Variants in CCDC171 observed in about 807,000 individuals in gnomAD.
CCDC171 encodes coiled-coil domain-containing protein 171.
In CCDC171, 177 loss-of-function variants were observed where a neutral mutation model predicts 168.2. The ratio of observed to expected loss-of-function variants is 1.05; its 90% CI spans 0.93 to 1.19. The LOEUF (loss-of-function observed/expected upper bound fraction) is 1.19, where lower values mean the gene tolerates loss of function less well. Ranked by LOEUF, CCDC171 falls within the 50% of genes most tolerant of loss-of-function variation. The probability of loss-of-function intolerance (pLI) is 0.00; values close to 1 mark genes in which losing one functional copy is unlikely to be tolerated. For missense variants in CCDC171, 1,991 were observed against 1,539.0 expected (o/e 1.29, Z -4.91); for synonymous variants, 687 against 540.8 (o/e 1.27, Z -3.75).
chr9:15,612,836 T>C (rs146340448), intron 6 of CCDC171, among the ~76,000 whole-genome samples: 1 of 152,220 alleles, frequency 6.6e-6, no homozygotes, highest in African/African-American at 2.4e-5. Flanking sequence ...TTACCTGTCT[T>C]ACTAGTTTGT....
At chr9:16,009,234 C>G (rs1423994269) in intron 3 of CCDC171, among the ~76,000 whole-genome samples, 1 of 151,984 alleles carries the variant, frequency 6.6e-6, no homozygotes, top group African/African-American at 2.4e-5. Flanking sequence ...GTGGTCTGAC[C>G]TTAGGAGGGG....
the CCDC171 span, among the ~76,000 whole-genome samples, chr9:16,070,482 G>A: frequency 3.7e-3 from 568 of 152,316 alleles, 5 homozygotes; most frequent in African/African-American, 0.013. Context: ...TTTATTGCTG[G>A]TTGGGCCTGG....
chr9:15,755,602 A>G lies in CCDC171; in HGVS notation c.2671+9971A>G, dbSNP rs545647250. Among the ~76,000 whole-genome samples, 6 of 152,310 alleles carry G rather than the reference A, an allele frequency of 3.9e-5. No homozygotes were observed. In the South Asian group the frequency reaches 1.2e-3, roughly 32 times the overall value. On this transcript the variant is annotated intron_variant, in intron 18 of 25. Transcript: ENST00000380701. ...TAATGGATAGATATCTAAATGATGA[A>G]ATATTATTAGTTCATAAAAAGGAAT...
chr9:15,936,277 T>C (rs1267440782), intron 25 of CCDC171, among the ~76,000 whole-genome samples: 1 of 152,000 alleles, frequency 6.6e-6, no homozygotes, highest in Non-Finnish European at 1.5e-5. Context: ...ATGAAAGTTA[T>C]AGACACGACA....
intron 16 of CCDC171, among the ~76,000 whole-genome samples, chr9:15,737,904 T>C (rs1158992229): frequency 2.0e-5 from 3 of 152,198 alleles, no homozygotes; most frequent in Non-Finnish European, 4.4e-5. Flanking sequence ...TACAATCCCA[T>C]TAGCAATGTC....
chr9:15,595,886 C>T (rs562839296), intron 6 of CCDC171, among the ~76,000 whole-genome samples: 2 of 152,312 alleles, frequency 1.3e-5, no homozygotes, highest in Admixed American at 6.5e-5. Flanking sequence ...ATTTGCATTT[C>T]TCTGATGGCC....
intron 3 of CCDC171, among the ~76,000 whole-genome samples, chr9:15,574,479 A>T (rs1001726554): frequency 6.6e-6 from 1 of 151,656 alleles, no homozygotes; most frequent in Non-Finnish European, 1.5e-5. Flanking sequence ...GAGTTTTACC[A>T]TGTTGGCCAG....
intron 24 of CCDC171, among the ~76,000 whole-genome samples, chr9:15,900,840 T>A (rs1232073391): frequency 6.6e-6 from 1 of 152,088 alleles, no homozygotes; most frequent in Non-Finnish European, 1.5e-5. Flanking sequence ...TACTCATGGT[T>A]TTTGTTTCTG....
At chr9:15,951,870 A>G (rs2132483294) in intron 25 of CCDC171, among the ~76,000 whole-genome samples, 1 of 152,188 alleles carries the variant, frequency 6.6e-6, no homozygotes, top group East Asian at 1.9e-4. Flanking sequence ...AATTATCAGG[A>G]AGTTCAATTT....
intron 24 of CCDC171, among the ~76,000 whole-genome samples, chr9:15,894,560 C>T (rs999686966): frequency 6.6e-6 from 1 of 152,010 alleles, no homozygotes; most frequent in Admixed American, 6.6e-5. Context: ...ATGATCTGGG[C>T]CCTGCTGCTC....
Position 16,030,962 on chromosome 9 carries a change from G to T in CCDC171, n.999-4495G>T, listed in dbSNP as rs4247294. Among the ~76,000 whole-genome samples the T allele has an allele frequency of 2.6e-5, 4 of 151,960 alleles. No individual in the cohort carries two copies. The East Asian group carries it at 5.8e-4, about 22-fold the overall frequency. On this transcript the variant is annotated intron_variant and non_coding_transcript_variant, in intron 6 of 9. Transcript: ENST00000486641. ...TGGAAACCTTTGCCTGTGATTCAGC[G>T]TTCAGGGGCACAAGAATACACTGGA...
chr9:15,734,918 T>C (rs1305333351), intron 16 of CCDC171, among the ~76,000 whole-genome samples: 2 of 152,214 alleles, frequency 1.3e-5, no homozygotes, highest in Admixed American at 6.5e-5. Flanking sequence ...ATATTCCATC[T>C]GCTGGGAAAC....
intron 11 of CCDC171, among the ~76,000 whole-genome samples, chr9:15,715,132 C>T (rs973478629): frequency 2.0e-5 from 3 of 152,186 alleles, no homozygotes; most frequent in African/African-American, 7.2e-5. Flanking sequence ...CTACACAGAA[C>T]TCATCAACGA....
chr9:15,640,288 C>T (rs1380276496), intron 7 of CCDC171, among the ~76,000 whole-genome samples: 1 of 152,090 alleles, frequency 6.6e-6, no homozygotes, highest in African/African-American at 2.4e-5. Flanking sequence ...TTCTCTTTTA[C>T]ATGGCAGTTC....
chr9:15,665,512 G>A (rs879868817), intron 8 of CCDC171, among the ~76,000 whole-genome samples: 21 of 152,180 alleles, frequency 1.4e-4, no homozygotes, highest in Non-Finnish European at 2.5e-4. Context: ...CAGGAGCAGC[G>A]GCTCATGCCT....
At chr9:15,586,546 C>T (rs1408717318) in intron 4 of CCDC171, among the ~76,000 whole-genome samples, 1 of 152,048 alleles carries the variant, frequency 6.6e-6, no homozygotes, top group Non-Finnish European at 1.5e-5. Flanking sequence ...CACCAGATAC[C>T]ATTGGAATTA....
At chr9:16,029,627 G>T (rs903116658) in intron 6 of CCDC171, among the ~76,000 whole-genome samples, 16 of 152,232 alleles carry the variant, frequency 1.1e-4, no homozygotes, top group African/African-American at 3.6e-4. Context: ...GGCTATTACT[G>T]CAGTCTGGGA....
chr9:15,895,267 TAG>T (rs1820759997), intron 24 of CCDC171, among the ~76,000 whole-genome samples: 2 of 152,256 alleles, frequency 1.3e-5, no homozygotes, highest in South Asian at 4.1e-4. Context: ...CTTTATTTAG[TAG>T]AGTCAGAGAA....
intron 7 of CCDC171, among the ~76,000 whole-genome samples, chr9:15,644,769 C>T (rs555972636): frequency 4.8e-4 from 73 of 152,318 alleles, no homozygotes; most frequent in African/African-American, 1.6e-3. Context: ...TGGAGCCCAC[C>T]GCAGCCCAAG....
Sources: gnomAD v4.1 joint callset for allele counts (sites outside exome capture counted in the v4.1 genomes callset) on GRCh38, gnomAD v4.1.1 for gene constraint, MANE v1.5 for transcripts, NCBI Gene and HGNC (gene_info 2026-07-23, HGNC 2026-07-21) for gene names.